The following RAC2 variants were observed in gnomAD, a reference collection of about 807,000 sequenced individuals.
RAC2 encodes the protein ras-related C3 botulinum toxin substrate 2.
RAC2 carries 1 observed loss-of-function variant against 24.0 expected under a neutral mutation model. That is an observed-to-expected ratio of 0.04 (90% CI 0.01 to 0.20). The LOEUF is 0.20. RAC2 is among the 10% of genes least tolerant of loss of function. RAC2 has a pLI of 1.00. For synonymous variants in RAC2, 114 were observed against 106.8 expected (o/e 1.07, Z -0.41); for missense variants, 130 against 259.1 (o/e 0.50, Z 3.42).
intron 2 of RAC2, among the ~76,000 whole-genome samples, chr22:37,235,849 C>T (rs533827923): frequency 3.3e-5 from 5 of 152,310 alleles, no homozygotes; most frequent in East Asian, 1.9e-4. Flanking sequence ...CTCAGGGCCA[C>T]GGTGATGGGG....
At chr22:37,235,453 T>C (rs970087895) in intron 2 of RAC2, among the ~76,000 whole-genome samples, 5 of 152,270 alleles carry the variant, frequency 3.3e-5, no homozygotes, top group Admixed American at 2.0e-4. Context: ...AAGAAGCCTT[T>C]CCTGACTTCC....
At chr22:37,234,523 G>A (rs55994325) in intron 2 of RAC2, among the ~76,000 whole-genome samples, 1 of 152,098 alleles carries the variant, frequency 6.6e-6, no homozygotes, top group Non-Finnish European at 1.5e-5. Context: ...GAGGGTTAGG[G>A]AATCACTGTC....
rs557629394 is a variant in RAC2 at position 37,231,401 on chromosome 22, G to C, written c.289-11C>G. 6.2e-7 allele frequency: 1 copy of C among 1,613,886 alleles called. No individual in the cohort carries two copies. Among genetic ancestry groups the C allele is most frequent in the African/African-American group, 1.3e-5 (1 of 75,024 alleles). ...CACTTCTGGGAACCACTGGGCAGGT[G>C]GGTGGGGGGACACAAGGTTGTATGG... On this transcript the variant is annotated splice_polypyrimidine_tract_variant and intron_variant, in intron 4 of 6. Coordinates refer to ENST00000249071, the MANE Select transcript of RAC2 (RefSeq NM_002872.5). The surrounding 1 kb of genome is among the most constrained non-coding windows in gnomAD (Gnocchi z 5.5).
chr22:37,231,131 G>A lies in RAC2; in HGVS notation c.448+100C>T. 1.4e-6 allele frequency: 2 copies of A among 1,436,736 alleles called. No individual in the cohort carries two copies. Among genetic ancestry groups the A allele is most frequent in the Non-Finnish European group, 9.7e-7 (1 of 1,028,188 alleles). 89.0% of individuals were successfully genotyped at this position (1,436,736 alleles called of 1,614,324 possible). ...TGCACAGCACAGCTGAGTTCAAACT[G>A]CACAGCCTGGCCCTGCAGCCCGTGT... is the stretch of plus-strand genomic sequence containing the variant. On this transcript the variant is annotated intron_variant, in intron 5 of 6. Coordinates refer to ENST00000249071, the MANE Select transcript of RAC2 (RefSeq NM_002872.5). This position sits in a 1 kb window ranked among gnomAD's most constrained non-coding sequence, Gnocchi z 5.5.
rs765840565 is a variant in RAC2, at chr22:37,234,908, G to A, written c.108-1990C>T. Among the ~76,000 whole-genome samples the A allele has an allele frequency of 9.9e-5, 15 of 152,104 alleles. 1 individual carries two copies. Among genetic ancestry groups the A allele is most frequent in the Admixed American group, 7.2e-4 (11 of 15,290 alleles). Reference sequence around the variant, plus strand: ...TCCTCCTCTCTGGCGGAGCTTCGTCGTCCTCTACCTGTAAAGAGCCCATGG... The same window carrying A: ...TCCTCCTCTCTGGCGGAGCTTCGTCATCCTCTACCTGTAAAGAGCCCATGG... On this transcript the variant is annotated intron_variant, in intron 2 of 6. Coordinates refer to ENST00000249071, the MANE Select transcript of RAC2 (RefSeq NM_002872.5).
At chr22:37,241,696 G>A (rs1453167861) in intron 1 of RAC2, 38 bp from the exon 2 acceptor site, 2 of 1,575,178 alleles carry the variant, frequency 1.3e-6, no homozygotes, top group Non-Finnish European at 1.7e-6. Flanking sequence ...GCGGTCATGG[G>A]CTCTGCCGGA....
chr22:37,239,673 G>A (rs1244970392), intron 2 of RAC2, among the ~76,000 whole-genome samples: 2 of 152,202 alleles, frequency 1.3e-5, no homozygotes, highest in Non-Finnish European at 2.9e-5. Context: ...GGCTCAGAGA[G>A]GGGAAGTGAT....
At chr22:37,243,965 G>A (rs1010210903) in intron 1 of RAC2, 149 bp downstream of exon 1, 46 of 1,075,984 alleles carry the variant, frequency 4.3e-5, no homozygotes, top group South Asian at 2.7e-4. Flanking sequence ...TGCTCCCTGT[G>A]GGCCCTCGGA....
chr22:37,235,146 G>A (rs924697568), intron 2 of RAC2, among the ~76,000 whole-genome samples: 1 of 152,090 alleles, frequency 6.6e-6, no homozygotes, highest in African/African-American at 2.4e-5. Context: ...TTAGGCTGCA[G>A]AAGCGCTAAC....
At position 37,229,422 on chromosome 22, in the gene RAC2, G is replaced by A. The variant is rs78009969; in HGVS notation, c.448+1809C>T. Among the ~76,000 whole-genome samples, 793 of 152,310 alleles carry A rather than the reference G, an allele frequency of 5.2e-3. 5 individuals are homozygous for A. The highest frequency in any genetic ancestry group is 0.018 in the African/African-American group (738 of 41,550). ...CCTTAAGCCAGCAACATGTCCCCCC[G>A]AGCCTGTTTCCTCTCTGTAAAGTGA... On this transcript the variant is annotated intron_variant, in intron 5 of 6. Transcript: ENST00000249071.
intron 3 of RAC2, 25 bp downstream of exon 3, chr22:37,232,776 T>C (rs966500639): frequency 6.3e-7 from 1 of 1,583,466 alleles, no homozygotes; most frequent in East Asian, 2.2e-5. Context: ...AGGTCAGGAC[T>C]GCAAGGCAGG....
chr22:37,241,464 A>G, intron 2 of RAC2, 123 bp downstream of exon 2: 1 of 1,061,484 alleles, frequency 9.4e-7, no homozygotes, highest in Non-Finnish European at 1.5e-6. Context: ...AGGCAGCTCC[A>G]CTGGGCTGGA....
rs549639393 is a variant in RAC2, at chr22:37,242,637, T to C, written c.36-979A>G. ...CCCTGGGCCTGCCACCGAGGTAATTTTGAATGACTGGAACGTTAACCCTTG... is the reference window on the plus strand; with the variant it reads ...CCCTGGGCCTGCCACCGAGGTAATTCTGAATGACTGGAACGTTAACCCTTG... On this transcript the variant is annotated intron_variant, in intron 1 of 6. Transcript: ENST00000249071. Among the ~76,000 whole-genome samples, 4 of 152,292 alleles carry C rather than the reference T, an allele frequency of 2.6e-5. No individual in the cohort carries two copies. The South Asian group carries it at 8.3e-4, about 32-fold the overall frequency.
intron 2 of RAC2, chr22:37,241,005 G>A (rs1384533131): frequency 2.8e-6 from 2 of 716,892 alleles, no homozygotes; most frequent in Non-Finnish European, 5.2e-6. Context: ...GGGAGTCGGG[G>A]AAATGTCCTA....
At chr22:37,244,074 C>T (rs920327486) in intron 1 of RAC2, 40 bp downstream of exon 1, 1 of 1,613,738 alleles carries the variant, frequency 6.2e-7, no homozygotes, top group Non-Finnish European at 8.5e-7. Context: ...CTCAGGGCAT[C>T]CCAGTTGGGG....
At chr22:37,232,234 G>A (rs1927088486) in intron 3 of RAC2, among the ~76,000 whole-genome samples, 1 of 152,230 alleles carries the variant, frequency 6.6e-6, no homozygotes, top group Non-Finnish European at 1.5e-5. Flanking sequence ...ATGTCACTCT[G>A]CAGCAAGCAC....
chr22:37,241,065 C>T, intron 2 of RAC2: 1 of 738,344 alleles, frequency 1.4e-6, no homozygotes, highest in South Asian at 1.4e-5. Context: ...TGGTGCCTCC[C>T]CAGTCATCCT....
In RAC2 at chr22:37,244,203, C is replaced by T. The variant is rs1333383892; in HGVS notation, c.-55G>A. 1.2e-6 allele frequency: 2 copies of T among 1,605,368 alleles called. No individual in the cohort carries two copies. Among genetic ancestry groups the T allele is most frequent in the Admixed American group, 3.4e-5 (2 of 58,882 alleles). On this transcript the variant is annotated 5_prime_UTR_variant, in exon 1 of 7. Transcript: ENST00000249071. ...TGACAGCTCAGGGCCAGGCGCGTTTCTGCGGGCGCAAGGGGTGTGGAGGCT... is the reference window on the plus strand; with the variant it reads ...TGACAGCTCAGGGCCAGGCGCGTTTTTGCGGGCGCAAGGGGTGTGGAGGCT...
chr22:37,233,037 C>A, intron 2 of RAC2, 119 bp from the exon 3 acceptor site: 1 of 756,562 alleles, frequency 1.3e-6, no homozygotes. Context: ...TGCGACTGGC[C>A]CAAAGTCACA....
Sources: gnomAD v4.1 joint callset for allele counts (sites outside exome capture counted in the v4.1 genomes callset) on GRCh38, gnomAD v4.1.1 for gene constraint, Gnocchi (gnomAD v3.1) non-coding constraint, MANE v1.5 for transcripts, NCBI Gene and HGNC (gene_info 2026-07-23, HGNC 2026-07-21) for gene names.